Variants in TTC28 observed in about 807,000 individuals in gnomAD.
TTC28 encodes tetratricopeptide repeat protein 28.
Under a neutral mutation model 198.0 loss-of-function variants are expected in TTC28, and 61 were observed. The observed-to-expected ratio is 0.31, with a 90% confidence interval of 0.25 to 0.38. TTC28 has a LOEUF of 0.38. Among genes scored for constraint, TTC28 ranks in the 10% least tolerant of loss-of-function variants. TTC28 has a pLI of 1.00. For synonymous variants in TTC28, 1,171 were observed against 1,297.8 expected, an observed-to-expected ratio of 0.90 and a Z score of 2.10; for missense variants, 2,678 against 3,164.0, an observed-to-expected ratio of 0.85 and a Z score of 3.69.
At chr22:28,401,195 A>T (rs975563865) in intron 2 of TTC28, among the ~76,000 whole-genome samples, 15 of 151,548 alleles carry the variant, frequency 9.9e-5, no homozygotes, top group African/African-American at 3.4e-4. Context: ...GGAGGGGGGG[A>T]GGAGGAGGAG....
intron 12 of TTC28, among the ~76,000 whole-genome samples, chr22:28,035,128 G>C (rs1939284468): frequency 6.6e-6 from 1 of 152,104 alleles, no homozygotes; most frequent in African/African-American, 2.4e-5. Flanking sequence ...AGCTCCACAA[G>C]GCACACTTTT....
intron 12 of TTC28, among the ~76,000 whole-genome samples, chr22:28,053,004 G>T (rs1940144591): frequency 6.6e-6 from 1 of 152,266 alleles, no homozygotes; most frequent in Admixed American, 6.5e-5. Flanking sequence ...GCACTCATGT[G>T]GATGGCACTC....
At chr22:28,028,139 G>A (rs1485706518) in intron 13 of TTC28, among the ~76,000 whole-genome samples, 2 of 152,198 alleles carry the variant, frequency 1.3e-5, no homozygotes, top group Middle Eastern at 3.2e-3. Context: ...CAAAGGGTCG[G>A]GGTTGGAAGA....
chr22:28,112,147 A>G (rs1261477242), intron 6 of TTC28, among the ~76,000 whole-genome samples: 1 of 152,200 alleles, frequency 6.6e-6, no homozygotes, highest in Non-Finnish European at 1.5e-5. Flanking sequence ...AGGTCATATT[A>G]TAATCATTTC....
intron 1 of TTC28, among the ~76,000 whole-genome samples, chr22:28,676,690 G>T (rs2051995168): frequency 6.6e-6 from 1 of 150,456 alleles, no homozygotes; most frequent in African/African-American, 2.5e-5. Context: ...ATTTTGTCCA[G>T]TGAAACAAGA....
intron 2 of TTC28, among the ~76,000 whole-genome samples, chr22:28,522,351 G>C (rs992296370): frequency 1.3e-5 from 2 of 152,058 alleles, no homozygotes; most frequent in African/African-American, 4.8e-5. Flanking sequence ...AGCTGGGCGT[G>C]GTGGCAAGCA....
chr22:28,170,972 C>T (rs1218318079), intron 5 of TTC28, among the ~76,000 whole-genome samples: 1 of 151,386 alleles, frequency 6.6e-6, no homozygotes, highest in African/African-American at 2.4e-5. Flanking sequence ...CATTGCTTGC[C>T]ACTCATTCTT....
intron 2 of TTC28, among the ~76,000 whole-genome samples, chr22:28,372,079 C>A (rs917796003): frequency 2.0e-5 from 3 of 151,850 alleles, no homozygotes; most frequent in Non-Finnish European, 2.9e-5. Flanking sequence ...CAGAACAAGA[C>A]CCTGTTTCCC....
At chr22:28,338,910 C>T (rs139543081) in intron 2 of TTC28, among the ~76,000 whole-genome samples, 1 of 152,164 alleles carries the variant, frequency 6.6e-6, no homozygotes, top group African/African-American at 2.4e-5. Context: ...TGTTCCGTTC[C>T]TGGTAAGGAG....
At chr22:28,460,657 A>G (rs942788430) in intron 2 of TTC28, among the ~76,000 whole-genome samples, 3 of 140,966 alleles carry the variant, frequency 2.1e-5, no homozygotes, top group Non-Finnish European at 3.3e-5. Flanking sequence ...ATAGATAGAT[A>G]GATAGATAGA....
rs57118853 is a variant in TTC28, at chr22:28,416,054, A to G, written c.382-109411T>C. Among the ~76,000 whole-genome samples the G allele has an allele frequency of 7.9e-3, 1,202 of 152,296 alleles. 23 individuals are homozygous for G. The highest frequency in any genetic ancestry group is 0.027 in the African/African-American group (1,108 of 41,578). ...GGCTTTCTTTTAAAGAGGCTCCAAC[A>G]TTTCGACATTAAAATTGGAATTTTC... On this transcript the variant is annotated intron_variant, in intron 2 of 22. Coordinates refer to ENST00000397906, the MANE Select transcript of TTC28 (RefSeq NM_001145418.2).
chr22:28,083,113 C>T (rs142101518), intron 12 of TTC28, among the ~76,000 whole-genome samples: 48 of 147,224 alleles, frequency 3.3e-4, no homozygotes, highest in Admixed American at 2.1e-3. Flanking sequence ...TATATGATGG[C>T]GCAGGAACCT....
At chr22:28,414,072 G>A (rs1177054144) in intron 2 of TTC28, among the ~76,000 whole-genome samples, 8 of 152,188 alleles carry the variant, frequency 5.3e-5, no homozygotes, top group Non-Finnish European at 7.3e-5. Context: ...ACCTATTTCT[G>A]TCAATCATTA....
intron 2 of TTC28, among the ~76,000 whole-genome samples, chr22:28,413,025 A>T (rs1024520552): frequency 2.0e-5 from 3 of 152,202 alleles, no homozygotes; most frequent in African/African-American, 7.2e-5. Context: ...GTTTGTGAAA[A>T]ATCATCTCAC....
intron 2 of TTC28, among the ~76,000 whole-genome samples, chr22:28,313,266 C>T (rs576654394): frequency 2.0e-5 from 3 of 152,224 alleles, no homozygotes; most frequent in East Asian, 1.9e-4. Flanking sequence ...GATTCACAGG[C>T]GAATTCTACC....
At chr22:28,424,079 T>TA (rs2047307741) in intron 2 of TTC28, among the ~76,000 whole-genome samples, 1 of 151,398 alleles carries the variant, frequency 6.6e-6, no homozygotes, top group Non-Finnish European at 1.5e-5. Context: ...CATCAAGGAA[T>TA]ACAGGAAATT....
At chr22:28,291,119 T>C (rs768741833) in intron 5 of TTC28, among the ~76,000 whole-genome samples, 11 of 151,912 alleles carry the variant, frequency 7.2e-5, no homozygotes, top group Non-Finnish European at 1.0e-4. Context: ...ATAATTCCAA[T>C]AGACACCCCA....
intron 5 of TTC28, among the ~76,000 whole-genome samples, chr22:28,230,778 T>C (rs1928741593): frequency 6.6e-6 from 1 of 152,206 alleles, no homozygotes; most frequent in Non-Finnish European, 1.5e-5. Context: ...AAAAATTTTA[T>C]ATAATTGTAA....
chr22:28,454,120 C>T (rs190553156), intron 2 of TTC28, among the ~76,000 whole-genome samples: 167 of 152,314 alleles, frequency 1.1e-3, no homozygotes, highest in African/African-American at 3.8e-3. Flanking sequence ...CCCAGAGAGG[C>T]TATCCCTGAC....
Sources: allele counts gnomAD v4.1 joint callset (sites outside exome capture counted in the v4.1 genomes callset), GRCh38; gene constraint gnomAD v4.1.1; transcripts MANE v1.5; gene names NCBI Gene and HGNC (gene_info 2026-07-23, HGNC 2026-07-21).